Variants in CD99 observed in about 807,000 individuals in gnomAD.
CD99 encodes CD99 molecule (Xg blood group), also known as CD99 antigen.
In CD99, 19 loss-of-function variants were observed where a neutral mutation model predicts 28.4. The observed-to-expected ratio is 0.67, with a 90% CI of 0.47 to 0.98. The LOEUF is 0.98. CD99 is among the 50% of genes least tolerant of loss of function. The pLI is 0.00. For synonymous variants in CD99, 103 were observed against 92.1 expected (o/e 1.12, Z -0.67); for missense variants, 283 against 248.8 (o/e 1.14, Z -0.92).
intron 8 of CD99, chrX:2,733,525 C>CA: frequency 1.3e-6 from 1 of 776,474 alleles, no homozygotes; most frequent in Non-Finnish European, 2.1e-6. Context: ...AATCACATGG[C>CA]GGATTCTCTG....
At chrX:2,712,975 TAC>T (rs200704305) in intron 1 of CD99, among the ~76,000 whole-genome samples, 2 of 150,672 alleles carry the variant, frequency 1.3e-5, no homozygotes, top group Admixed American at 6.6e-5. Context: ...CACCTACACA[TAC>T]ACACACAAAC....
intron 6 of CD99, 73 bp downstream of exon 6, chrX:2,722,747 C>T: frequency 7.0e-7 from 1 of 1,421,378 alleles, no homozygotes. Context: ...AGAATCACTA[C>T]AGGGTCTAAA....
intron 8 of CD99, chrX:2,733,485 C>A: frequency 8.8e-7 from 1 of 1,139,782 alleles, no homozygotes; most frequent in Non-Finnish European, 1.3e-6. Flanking sequence ...CCTCGCCCTG[C>A]TGGCAAATTC....
At chrX:2,709,804 T>C (rs1194217300) in intron 1 of CD99, among the ~76,000 whole-genome samples, 5 of 151,954 alleles carry the variant, frequency 3.3e-5, no homozygotes, top group Admixed American at 3.3e-4. Context: ...GTGGCTTGGT[T>C]GCAAAGAGCA....
chrX:2,740,863 G>A lies in CD99; in HGVS notation c.*59G>A, dbSNP rs777417286. 4.8e-5 allele frequency: 76 copies of A among 1,590,456 alleles called. No homozygotes were observed. The highest frequency in any genetic ancestry group is 6.3e-5 in the Non-Finnish European group (73 of 1,158,504). ...AGCAGGGTTAGAACAGCTGCCTGAG[G>A]CTCCTCCCTGAAGGACACCTGCCTG... On this transcript the variant is annotated 3_prime_UTR_variant, in exon 10 of 10. Coordinates refer to ENST00000381192, the MANE Select transcript of CD99 (RefSeq NM_002414.5).
intron 1 of CD99, among the ~76,000 whole-genome samples, chrX:2,709,329 AC>A (rs2048274812): frequency 1.3e-5 from 2 of 152,216 alleles, no homozygotes; most frequent in African/African-American, 4.8e-5. Flanking sequence ...CCTGCAGTGC[AC>A]ATGCACACCC....
intron 9 of CD99, among the ~76,000 whole-genome samples, chrX:2,739,360 A>G (rs1244728118): frequency 6.6e-6 from 1 of 152,090 alleles, no homozygotes; most frequent in Non-Finnish European, 1.5e-5. Context: ...ATACATTGGA[A>G]CCTTCTCATT....
intron 8 of CD99, chrX:2,737,799 T>C (rs1370123685): frequency 2.8e-6 from 1 of 353,036 alleles, no homozygotes; most frequent in Non-Finnish European, 5.5e-6. Flanking sequence ...CCCAGCCGTC[T>C]GCATTTGTTT....
chrX:2,718,848 TA>T (rs2048865683), intron 3 of CD99, among the ~76,000 whole-genome samples: 2 of 152,154 alleles, frequency 1.3e-5, no homozygotes, highest in Non-Finnish European at 1.5e-5. Flanking sequence ...TATAAAACAT[TA>T]ATAGCTCCAC....
chrX:2,733,304 CCA>C lies in CD99; in HGVS notation c.476-4895_476-4894del, dbSNP rs2049769347. On this transcript the variant is annotated intron_variant, in intron 8 of 9. Coordinates refer to ENST00000381192, the MANE Select transcript of CD99 (RefSeq NM_002414.5). The stretch of plus-strand genomic sequence containing the variant: ...GCGCACAGCAAAAGCAGACCCAGCA[CCA>C]GTTTACTTTTTGTATTATTATTTTT... The C allele has an allele frequency of 2.6e-6, 4 of 1,543,780 alleles. No individual in the cohort carries two copies. The Admixed American group carries it at 7.8e-5, about 30-fold the overall frequency.
intron 7 of CD99, 31 bp from the exon 8 acceptor site, chrX:2,726,229 C>G: frequency 7.3e-6 from 10 of 1,369,140 alleles, no homozygotes; most frequent in Non-Finnish European, 1.0e-5. Context: ...GTGCGTGTCT[C>G]AATCACGATG....
chrX:2,693,829 C>G (rs966342510), intron 1 of CD99, among the ~76,000 whole-genome samples: 1 of 152,146 alleles, frequency 6.6e-6, no homozygotes, highest in African/African-American at 2.4e-5. Flanking sequence ...ACGTTGGCCC[C>G]GAGGAGACAC....
chrX:2,707,213 C>G (rs2048161919), intron 1 of CD99, among the ~76,000 whole-genome samples: 1 of 151,908 alleles, frequency 6.6e-6, no homozygotes, highest in Non-Finnish European at 1.5e-5. Context: ...GCCCATAGTC[C>G]CAGCTACTGG....
At chrX:2,691,486 A>G (rs368310708) in intron 1 of CD99, 59 bp downstream of exon 1, 6 of 1,526,558 alleles carry the variant, frequency 3.9e-6, no homozygotes, top group East Asian at 2.4e-5. Flanking sequence ...GGGACTGGGG[A>G]TCCGCTTGAG....
chrX:2,712,624 G>A (rs1268210272), intron 1 of CD99, among the ~76,000 whole-genome samples: 2 of 152,120 alleles, frequency 1.3e-5, no homozygotes, highest in Admixed American at 1.3e-4. Flanking sequence ...TCTGGCAAGT[G>A]TCCTGTTGTG....
chrX:2,704,146 G>A (rs1239478567), intron 1 of CD99, among the ~76,000 whole-genome samples: 1 of 152,186 alleles, frequency 6.6e-6, no homozygotes, highest in African/African-American at 2.4e-5. Context: ...GCCGGTGTGA[G>A]GCGTGCTCAG....
chrX:2,696,724 A>C (rs761812201), intron 1 of CD99, among the ~76,000 whole-genome samples: 57 of 152,180 alleles, frequency 3.7e-4, no homozygotes, highest in African/African-American at 1.4e-3. Context: ...GCTCACCAGC[A>C]TTTCTACTCC....
rs1360270125 is a variant in CD99, at chrX:2,691,407, G to A, written c.47G>A (p.Gly16Asp). 1.3e-6 allele frequency: 2 copies of A among 1,585,480 alleles called. No homozygotes were observed. The highest frequency in any genetic ancestry group is 2.3e-5 in the East Asian group (1 of 43,970). Residue 16 changes from glycine to aspartate, a missense_variant, in exon 1 of 10, where the codon GGT becomes GAT. By Grantham distance (94) the Gly-to-Asp change is moderately conservative (BLOSUM62 -1). Transcript: ENST00000381192. ...GCGCTGCTGCTCTTCGGCCTGCTGG[G>A]TGTTCTGGTCGCCGCCCCGGGTGAG... ...ALALLLFGLL[G>D]VLVAAPDGGF...
At chrX:2,723,554 TCCG>T in intron 7 of CD99, 190 bp downstream of exon 7, 1 of 667,022 alleles carries the variant, frequency 1.5e-6, no homozygotes, top group Non-Finnish European at 2.7e-6. Context: ...CCAGCCCTGC[TCCG>T]GGTGCCCACG....
Sources: gnomAD v4.1 joint callset for allele counts (sites outside exome capture counted in the v4.1 genomes callset) on GRCh38, gnomAD v4.1.1 for gene constraint, MANE v1.5 for transcripts, NCBI Gene and HGNC (gene_info 2026-07-23, HGNC 2026-07-21) for gene names.